The following ZFHX3 variants were observed in gnomAD, a reference collection of about 807,000 sequenced individuals.
ZFHX3 encodes the protein zinc finger homeobox 3.
A neutral mutation model predicts 279.1 loss-of-function variants in ZFHX3; 42 were observed. That is an observed-to-expected ratio of 0.15 (90% CI 0.12 to 0.19). The LOEUF (loss-of-function observed/expected upper bound fraction) is 0.19, where lower values mean the gene tolerates loss of function less well. Among genes scored for constraint, ZFHX3 ranks in the 10% least tolerant of loss-of-function variants. ZFHX3 has a pLI of 1.00. For synonymous variants in ZFHX3, 2,293 were observed against 1,957.8 expected (o/e 1.17, Z -4.52); for missense variants, 4,981 against 4,754.0 (o/e 1.05, Z -1.40).
chr16:73,304,742 C>T (rs1032464641), intron 4 of ZFHX3, among the ~76,000 whole-genome samples: 3 of 152,150 alleles, frequency 2.0e-5, no homozygotes, highest in African/African-American at 4.8e-5. Context: ...GGAATCCAGG[C>T]GTTCTGTAAG....
intron 3 of ZFHX3, among the ~76,000 whole-genome samples, chr16:72,893,439 T>C (rs564172620): frequency 1.2e-4 from 19 of 152,104 alleles, no homozygotes; most frequent in African/African-American, 4.3e-4. Context: ...GCCAGAAGAG[T>C]TGGATGGAAA....
At chr16:72,986,926 G>T (rs149314532) in intron 1 of ZFHX3, among the ~76,000 whole-genome samples, 5 of 152,078 alleles carry the variant, frequency 3.3e-5, no homozygotes, top group Admixed American at 6.6e-5. Context: ...CAGACAGACC[G>T]CTTGAGCCCA....
intron 2 of ZFHX3, among the ~76,000 whole-genome samples, chr16:73,559,727 T>C (rs1450577975): frequency 6.6e-6 from 1 of 152,160 alleles, no homozygotes; most frequent in Non-Finnish European, 1.5e-5. Flanking sequence ...TAAAGAGGTC[T>C]TTGGCGGACT....
At chr16:73,383,172 C>T (rs890681519) in intron 3 of ZFHX3, among the ~76,000 whole-genome samples, 5 of 152,212 alleles carry the variant, frequency 3.3e-5, no homozygotes, top group African/African-American at 7.2e-5. Flanking sequence ...TTTGTCTGCA[C>T]GTGAAGCCAA....
intron 5 of ZFHX3, among the ~76,000 whole-genome samples, chr16:73,181,418 G>T (rs1386464951): frequency 1.3e-5 from 2 of 152,088 alleles, no homozygotes; most frequent in Non-Finnish European, 2.9e-5. Context: ...GAGCCCCATG[G>T]ATTTCTTCTT....
At chr16:73,726,774 G>C (rs2053522398) in intron 1 of ZFHX3, among the ~76,000 whole-genome samples, 1 of 152,136 alleles carries the variant, frequency 6.6e-6, no homozygotes. Flanking sequence ...CATGAGAACA[G>C]CACTCAAGCC....
chr16:73,608,016 G>C (rs896384320), intron 2 of ZFHX3, among the ~76,000 whole-genome samples: 1 of 151,944 alleles, frequency 6.6e-6, no homozygotes, highest in Admixed American at 6.6e-5. Context: ...TGAGGCTGCA[G>C]TGGACTGTGA....
chr16:73,813,393 C>T (rs570758057), intron 1 of ZFHX3, among the ~76,000 whole-genome samples: 1 of 151,930 alleles, frequency 6.6e-6, no homozygotes, highest in East Asian at 1.9e-4. Flanking sequence ...CCTCTCTCAA[C>T]TCTGGGCATG....
At chr16:73,157,273 G>A (rs866402279) in intron 5 of ZFHX3, among the ~76,000 whole-genome samples, 5 of 151,972 alleles carry the variant, frequency 3.3e-5, no homozygotes, top group Middle Eastern at 3.4e-3. Context: ...TGGGTTTTCC[G>A]TGACAGTTGT....
chr16:73,024,883 G>A (rs1262548875), intron 1 of ZFHX3, among the ~76,000 whole-genome samples: 1 of 152,302 alleles, frequency 6.6e-6, no homozygotes, highest in East Asian at 1.9e-4. Context: ...ATGTCCCCCA[G>A]AAGGTGGGCC....
chr16:73,172,216 T>C (rs899606090), intron 5 of ZFHX3, among the ~76,000 whole-genome samples: 51 of 152,284 alleles, frequency 3.3e-4, no homozygotes, highest in African/African-American at 1.0e-3. Flanking sequence ...CAACAGCAAG[T>C]CCGGCAGCCC....
intron 3 of ZFHX3, among the ~76,000 whole-genome samples, chr16:73,384,282 G>T (rs548261917): frequency 6.6e-6 from 1 of 152,240 alleles, no homozygotes; most frequent in Non-Finnish European, 1.5e-5. Flanking sequence ...AGGCCAGCTT[G>T]AGTAGTTACA....
At chr16:73,530,913 C>T (rs1282018492) in intron 2 of ZFHX3, among the ~76,000 whole-genome samples, 1 of 152,200 alleles carries the variant, frequency 6.6e-6, no homozygotes. Flanking sequence ...TAAGGCTAAA[C>T]ATCCAGTTGC....
intron 3 of ZFHX3, among the ~76,000 whole-genome samples, chr16:73,347,861 A>C (rs1421658700): frequency 6.6e-6 from 1 of 152,226 alleles, no homozygotes; most frequent in Non-Finnish European, 1.5e-5. Flanking sequence ...TAAAACTCAT[A>C]AGCCTTTGTA....
chr16:73,697,361 CAAAT>C (rs1002748414), intron 1 of ZFHX3, among the ~76,000 whole-genome samples: 6 of 151,998 alleles, frequency 3.9e-5, no homozygotes, highest in Non-Finnish European at 8.8e-5. Flanking sequence ...GGTATAAAGA[CAAAT>C]GAATCACAGT....
chr16:73,057,427 A>G (rs764688180), intron 1 of ZFHX3, among the ~76,000 whole-genome samples: 9 of 152,214 alleles, frequency 5.9e-5, no homozygotes, highest in Non-Finnish European at 1.2e-4. Flanking sequence ...AAAGACGGAC[A>G]TTAAAATGCA....
intron 4 of ZFHX3, among the ~76,000 whole-genome samples, chr16:73,305,079 A>C (rs1051208645): frequency 7.6e-5 from 2 of 26,166 alleles, no homozygotes; most frequent in African/African-American, 3.7e-4. Flanking sequence ...ATAAAAAATT[A>C]AAAAAAAAAG....
At chr16:73,376,759 A>G (rs2016729652) in intron 3 of ZFHX3, among the ~76,000 whole-genome samples, 1 of 152,238 alleles carries the variant, frequency 6.6e-6, no homozygotes, top group African/African-American at 2.4e-5. Context: ...ACGACATAGT[A>G]GATGACCCAC....
At chr16:73,357,865 T>C (rs563224483) in intron 3 of ZFHX3, among the ~76,000 whole-genome samples, 1 of 152,342 alleles carries the variant, frequency 6.6e-6, no homozygotes, top group Non-Finnish European at 1.5e-5. Flanking sequence ...CCACTTTCCA[T>C]GCCCACCCAC....
Sources: allele counts gnomAD v4.1 joint callset (sites outside exome capture counted in the v4.1 genomes callset), GRCh38; gene constraint gnomAD v4.1.1; transcripts MANE v1.5; gene names NCBI Gene and HGNC (gene_info 2026-07-23, HGNC 2026-07-21).